The following CDS2 variants were observed in gnomAD, a reference collection of about 807,000 sequenced individuals.
CDS2 encodes phosphatidate cytidylyltransferase 2.
In CDS2, 47 loss-of-function variants were observed where a neutral mutation model predicts 59.0. The ratio of observed to expected loss-of-function variants is 0.80; its 90% confidence interval spans 0.63 to 1.02. The LOEUF is 1.02. Ranked by LOEUF, CDS2 falls within the 50% of genes least tolerant of loss-of-function variation. CDS2 has a pLI of 0.00. For missense variants in CDS2, 356 were observed against 558.9 expected (o/e 0.64, Z 3.66); for synonymous variants, 207 against 206.4 (o/e 1.00, Z -0.02).
At chr20:5,163,008 A>C (rs1348792733) in intron 1 of CDS2, among the ~76,000 whole-genome samples, 4 of 152,202 alleles carry the variant, frequency 2.6e-5, no homozygotes, top group African/African-American at 9.6e-5. Context: ...GATCATACTG[A>C]GGCCACATTG....
At chr20:5,165,086 T>C (rs931374977) in intron 1 of CDS2, among the ~76,000 whole-genome samples, 1 of 152,212 alleles carries the variant, frequency 6.6e-6, no homozygotes, top group African/African-American at 2.4e-5. Flanking sequence ...CTGGCAGTCA[T>C]GCAGAGGTTG....
intron 1 of CDS2, chr20:5,128,599 AAAAC>A (rs1227437709): frequency 1.3e-5 from 2 of 152,258 alleles, no homozygotes; most frequent in Non-Finnish European, 2.9e-5. Flanking sequence ...TCAAAAAACA[AAAAC>A]AAAAACATAT....
intron 7 of CDS2, among the ~76,000 whole-genome samples, chr20:5,183,697 G>A (rs1024563436): frequency 6.6e-6 from 1 of 152,168 alleles, no homozygotes; most frequent in Admixed American, 6.5e-5. Context: ...TTTCTGCTAC[G>A]ATTATAGATA....
chr20:5,175,166 C>T lies in CDS2; in HGVS notation c.195-17C>T. On this transcript the variant is annotated splice_polypyrimidine_tract_variant and intron_variant, in intron 2 of 12. Transcript: ENST00000460006. The stretch of plus-strand genomic sequence containing the variant: ...CTCCTAACTGGTGTTTTCTCCTTCC[C>T]CTGCTCTCTGACCTAGATGGAAGAA... 2 of 1,601,156 alleles carry T rather than the reference C, an allele frequency of 1.2e-6. No homozygotes were observed. Among genetic ancestry groups the T allele is most frequent in the Non-Finnish European group, 8.6e-7 (1 of 1,168,324 alleles).
chr20:5,146,054 C>T (rs762531864), intron 1 of CDS2, among the ~76,000 whole-genome samples: 1 of 152,106 alleles, frequency 6.6e-6, no homozygotes, highest in Non-Finnish European at 1.5e-5. Context: ...AACTCCTGGG[C>T]TCAAGTGATC....
intron 1 of CDS2, among the ~76,000 whole-genome samples, chr20:5,127,826 A>G (rs1304530898): frequency 6.6e-6 from 1 of 151,136 alleles, no homozygotes; most frequent in Admixed American, 6.6e-5. Flanking sequence ...GGGGGAGTGG[A>G]CTCCTTTGGG....
intron 1 of CDS2, among the ~76,000 whole-genome samples, chr20:5,158,598 T>C (rs529900464): frequency 3.3e-5 from 5 of 152,356 alleles, no homozygotes; most frequent in Middle Eastern, 3.4e-3. Flanking sequence ...TTTCAGGATA[T>C]AAGACTATAA....
At chr20:5,182,760 A>G (rs922163873) in intron 6 of CDS2, among the ~76,000 whole-genome samples, 10 of 152,196 alleles carry the variant, frequency 6.6e-5, no homozygotes, top group Admixed American at 4.6e-4. Context: ...GCTACCACTT[A>G]TTCCCTGACT....
chr20:5,171,995 C>G (rs2090959633), intron 1 of CDS2, among the ~76,000 whole-genome samples: 2 of 152,124 alleles, frequency 1.3e-5, no homozygotes, highest in South Asian at 4.1e-4. Context: ...TTTTGTTTTT[C>G]TGTTTTGCTC....
chr20:5,168,110 T>C (rs1459968681), intron 1 of CDS2, among the ~76,000 whole-genome samples: 1 of 152,118 alleles, frequency 6.6e-6, no homozygotes, highest in African/African-American at 2.4e-5. Context: ...TGAGTCATTA[T>C]CTGGTAAAGA....
intron 1 of CDS2, among the ~76,000 whole-genome samples, chr20:5,131,046 T>C (rs1273141484): frequency 5.6e-5 from 8 of 143,744 alleles, no homozygotes; most frequent in Non-Finnish European, 1.0e-4. Context: ...TGAGCCGAGA[T>C]GGCGCCACTG....
intron 1 of CDS2, among the ~76,000 whole-genome samples, chr20:5,163,573 C>G (rs1012901995): frequency 1.3e-5 from 2 of 152,150 alleles, no homozygotes; most frequent in African/African-American, 4.8e-5. Flanking sequence ...TAGTTTCTTA[C>G]AGTTATCATT....
At chr20:5,182,929 C>G (rs1198675962) in intron 6 of CDS2, 132 bp from the exon 7 acceptor site, 1 of 711,668 alleles carries the variant, frequency 1.4e-6, no homozygotes, top group Admixed American at 2.3e-5. Context: ...TGTTCACTTT[C>G]AATAAGTCAG....
In CDS2 at chr20:5,193,273, T is replaced by C. The variant is rs1291483947; in HGVS notation, c.*3039T>C. On this transcript the variant is annotated 3_prime_UTR_variant, in exon 13 of 13. Transcript: ENST00000460006. ...GGCAACTTGTTTCATATTCTGGGCATTTTAGTAGCTACAGTATTTTGCATT... is the reference window on the plus strand; with the variant it reads ...GGCAACTTGTTTCATATTCTGGGCACTTTAGTAGCTACAGTATTTTGCATT... 6.6e-6 allele frequency: 1 copy of C among 152,250 alleles called. No homozygotes were observed. Among genetic ancestry groups the C allele is most frequent in the Non-Finnish European group, 1.5e-5 (1 of 68,042 alleles). The allele number at this position is 152,250 out of a possible 1,614,324, so 9.4% of individuals were successfully genotyped here.
intron 1 of CDS2, among the ~76,000 whole-genome samples, chr20:5,132,003 A>G (rs555578960): frequency 4.5e-4 from 69 of 152,196 alleles, no homozygotes; most frequent in Non-Finnish European, 9.0e-4. Context: ...CAAGTTATAT[A>G]TATTTGTAGA....
At chr20:5,188,705 G>A (rs1032420944) in intron 10 of CDS2, among the ~76,000 whole-genome samples, 10 of 152,224 alleles carry the variant, frequency 6.6e-5, no homozygotes, top group Non-Finnish European at 1.5e-4. Context: ...TGTGAGAAGT[G>A]TGGCATTGGC....
At chr20:5,134,518 T>A (rs1015327876) in intron 1 of CDS2, among the ~76,000 whole-genome samples, 16 of 152,322 alleles carry the variant, frequency 1.1e-4, no homozygotes, top group African/African-American at 3.8e-4. Flanking sequence ...GTTTTATTTT[T>A]ATTTATCTAT....
At chr20:5,172,607 T>C (rs2090964132) in intron 1 of CDS2, among the ~76,000 whole-genome samples, 1 of 152,166 alleles carries the variant, frequency 6.6e-6, no homozygotes, top group African/African-American at 2.4e-5. Flanking sequence ...GTTTCTTATT[T>C]GTAAATGGGG....
At chr20:5,162,614 A>T (rs1450825008) in intron 1 of CDS2, among the ~76,000 whole-genome samples, 1 of 151,864 alleles carries the variant, frequency 6.6e-6, no homozygotes, top group African/African-American at 2.4e-5. Context: ...CTTGGGGGAG[A>T]AGTTGGGGTT....
Sources: allele counts gnomAD v4.1 joint callset (sites outside exome capture counted in the v4.1 genomes callset), GRCh38; gene constraint gnomAD v4.1.1; transcripts MANE v1.5; gene names NCBI Gene and HGNC (gene_info 2026-07-23, HGNC 2026-07-21).